The following ZMYM2 variants were observed in gnomAD, a reference collection of about 807,000 sequenced individuals.
ZMYM2 encodes zinc finger MYM-type protein 2.
In ZMYM2, 56 loss-of-function variants were observed where a neutral mutation model predicts 162.8. The observed-to-expected ratio is 0.34, with a 90% CI of 0.28 to 0.43. The LOEUF (loss-of-function observed/expected upper bound fraction) is 0.43, where lower values mean the gene tolerates loss of function less well. Among genes scored for constraint, ZMYM2 ranks in the 20% least tolerant of loss-of-function variants. The probability of loss-of-function intolerance (pLI) is 1.00; values close to 1 mark genes in which losing one functional copy is unlikely to be tolerated. For missense variants in ZMYM2, 1,275 were observed against 1,621.8 expected, an observed-to-expected ratio of 0.79 and a Z score of 3.67; for synonymous variants, 510 against 541.6, an observed-to-expected ratio of 0.94 and a Z score of 0.81.
chr13:19,867,304 C>T, the ZMYM2 span, among the ~76,000 whole-genome samples: 569 of 150,926 alleles, frequency 3.8e-3, 2 homozygotes, highest in South Asian at 0.013. Context: ...GAGCAGAGAT[C>T]GCGCCATCGC....
the ZMYM2 span, among the ~76,000 whole-genome samples, chr13:19,938,180 C>T: frequency 9.2e-5 from 14 of 152,020 alleles, no homozygotes; most frequent in African/African-American, 3.4e-4. Flanking sequence ...AATGGGATGG[C>T]TGGGTCAAAC....
intron 2 of ZMYM2, among the ~76,000 whole-genome samples, chr13:19,981,310 A>C (rs897449217): frequency 2.4e-4 from 34 of 144,230 alleles, no homozygotes; most frequent in Admixed American, 1.9e-3. Flanking sequence ...AACAAAAAAA[A>C]AAACAAAAAA....
At chr13:20,021,554 G>GA (rs1952106210) in intron 7 of ZMYM2, among the ~76,000 whole-genome samples, 1 of 152,070 alleles carries the variant, frequency 6.6e-6, no homozygotes, top group South Asian at 2.1e-4. Context: ...TTAAGTTTTT[G>GA]AAAAGACTTT....
At chr13:20,058,277 T>G (rs980699921) in intron 14 of ZMYM2, among the ~76,000 whole-genome samples, 1 of 152,220 alleles carries the variant, frequency 6.6e-6, no homozygotes, top group Non-Finnish European at 1.5e-5. Flanking sequence ...ACCTTGATTT[T>G]GTACTTAAAA....
the ZMYM2 span, among the ~76,000 whole-genome samples, chr13:19,892,813 C>G: frequency 2.0e-5 from 3 of 150,750 alleles, no homozygotes; most frequent in African/African-American, 4.9e-5. Flanking sequence ...GTCCTGGGTT[C>G]AAGCGATTCT....
the ZMYM2 span, among the ~76,000 whole-genome samples, chr13:19,894,961 C>T: frequency 2.0e-5 from 3 of 150,062 alleles, no homozygotes; most frequent in Non-Finnish European, 3.0e-5. Flanking sequence ...TGGTCATGGG[C>T]GCCTACTCGG....
chr13:20,009,599 CT>C (rs1211462592), intron 6 of ZMYM2, among the ~76,000 whole-genome samples: 1 of 152,094 alleles, frequency 6.6e-6, no homozygotes. Context: ...TAACTTAGTA[CT>C]TTCTGTCTCT....
intron 2 of ZMYM2, among the ~76,000 whole-genome samples, chr13:19,992,331 A>G (rs1423837393): frequency 6.6e-6 from 1 of 152,164 alleles, no homozygotes; most frequent in African/African-American, 2.4e-5. Context: ...GGCCGAGTTC[A>G]GGGGATCTCT....
At chr13:20,060,813 G>C (rs983195190) in intron 16 of ZMYM2, among the ~76,000 whole-genome samples, 1 of 152,130 alleles carries the variant, frequency 6.6e-6, no homozygotes, top group Non-Finnish European at 1.5e-5. Context: ...GGCTATTATA[G>C]TCCCCTGGGG....
chr13:19,884,754 G>A, the ZMYM2 span, among the ~76,000 whole-genome samples: 3 of 152,160 alleles, frequency 2.0e-5, no homozygotes, highest in East Asian at 3.9e-4. Context: ...AAATGTTACA[G>A]CTCTTCAACA....
chr13:20,017,630 T>C (rs1200388781), intron 6 of ZMYM2, among the ~76,000 whole-genome samples: 1 of 152,040 alleles, frequency 6.6e-6, no homozygotes, highest in Non-Finnish European at 1.5e-5. Flanking sequence ...TTTTTTTTGT[T>C]ACAAGCCTAC....
the ZMYM2 span, among the ~76,000 whole-genome samples, chr13:19,918,693 T>C: frequency 6.6e-6 from 1 of 151,514 alleles, no homozygotes; most frequent in Non-Finnish European, 1.5e-5. Flanking sequence ...AGAGACAGGT[T>C]TCATCATATA....
At chr13:19,930,688 C>G in the ZMYM2 span, among the ~76,000 whole-genome samples, 4 of 151,056 alleles carry the variant, frequency 2.6e-5, no homozygotes, top group African/African-American at 9.7e-5. Flanking sequence ...TACAGACGAC[C>G]GCCACCAGGC....
chr13:20,004,711 A>G (rs1594302927), intron 4 of ZMYM2, among the ~76,000 whole-genome samples: 1 of 152,274 alleles, frequency 6.6e-6, no homozygotes, highest in Admixed American at 6.5e-5. Context: ...CTTACTTTCT[A>G]CTTATCCAGG....
At chr13:19,954,159 C>T (rs945077845), upstream of ZMYM2, among the ~76,000 whole-genome samples, 2 of 8,320 alleles carry the variant, frequency 2.4e-4, no homozygotes, top group East Asian at 0.025. Flanking sequence ...GACGGAGTCT[C>T]ACTCTGTCGC....
Position 20,038,252 on chromosome 13 carries a change from A to G in ZMYM2, c.2292+1343A>G, listed in dbSNP as rs537559849. Among the ~76,000 whole-genome samples the G allele has an allele frequency of 3.3e-5, 5 of 152,216 alleles. No homozygotes were observed. In the South Asian group the frequency reaches 6.2e-4, roughly 19 times the overall value. On this transcript the variant is annotated intron_variant, in intron 12 of 24. Coordinates refer to ENST00000610343, the MANE Select transcript of ZMYM2 (RefSeq NM_197968.4). ...TTGTGAATAGTGCTGCAATGAACAT[A>G]TGTGTGCATGCTTTTTCTGTGCAGA...
the ZMYM2 span, among the ~76,000 whole-genome samples, chr13:19,886,664 T>C: frequency 6.6e-6 from 1 of 151,674 alleles, no homozygotes; most frequent in Non-Finnish European, 1.5e-5. Flanking sequence ...TTTGTTTGTT[T>C]TTGAGACAGG....
chr13:19,959,241 C>T (rs1284173395), intron 1 of ZMYM2, among the ~76,000 whole-genome samples: 2 of 150,296 alleles, frequency 1.3e-5, no homozygotes, highest in African/African-American at 2.4e-5. Context: ...GGGGCATTTT[C>T]CTTTCTCTCC....
the ZMYM2 span, among the ~76,000 whole-genome samples, chr13:19,890,422 C>T: frequency 6.9e-6 from 1 of 143,890 alleles, no homozygotes; most frequent in African/African-American, 2.6e-5. Context: ...CCTGCCTCGG[C>T]CTCCTAAAGT....
Sources: allele counts gnomAD v4.1 joint callset (sites outside exome capture counted in the v4.1 genomes callset), GRCh38; gene constraint gnomAD v4.1.1; transcripts MANE v1.5; gene names NCBI Gene and HGNC (gene_info 2026-07-23, HGNC 2026-07-21).